The following KPNA7 variants were observed in gnomAD, a reference collection of about 807,000 sequenced individuals.
KPNA7 encodes the protein importin subunit alpha-8.
A neutral mutation model predicts 53.7 loss-of-function variants in KPNA7; 54 were observed. That is an observed-to-expected ratio of 1.01 (90% CI 0.81 to 1.26). KPNA7 has a LOEUF of 1.26. Ranked by LOEUF, KPNA7 falls within the 50% of genes most tolerant of loss-of-function variation. The pLI is 0.00. For missense variants in KPNA7, 640 were observed against 644.5 expected (o/e 0.99, Z 0.07); for synonymous variants, 276 against 259.3 (o/e 1.06, Z -0.62).
chr7:99,146,978 G>GT, the KPNA7 span, among the ~76,000 whole-genome samples: 1 of 152,094 alleles, frequency 6.6e-6, no homozygotes, highest in Non-Finnish European at 1.5e-5. Context: ...TCAAAAAATC[G>GT]TAAGTCAAAC....
At position 99,219,208 on chromosome 7, in the gene KPNA7, C is replaced by T. The variant is rs1389642103; in HGVS notation, c.-23-11719G>A. Among the ~76,000 whole-genome samples, 3 of 152,220 alleles carry T rather than the reference C, an allele frequency of 2.0e-5. No homozygotes were observed. The East Asian group carries it at 5.8e-4, about 29-fold the overall frequency. On this transcript the variant is annotated intron_variant, in intron 1 of 10. Transcript: ENST00000681060. Reference sequence around the variant, plus strand: ...CCCAGGTGAGTCTCATGTTCAGAACCTTCAGCCTCTGCAGCTGTAGCATTT... The same window carrying T: ...CCCAGGTGAGTCTCATGTTCAGAACTTTCAGCCTCTGCAGCTGTAGCATTT...
the KPNA7 span, among the ~76,000 whole-genome samples, chr7:99,166,064 T>A: frequency 6.6e-6 from 1 of 152,100 alleles, no homozygotes; most frequent in East Asian, 1.9e-4. Flanking sequence ...CTGCCTCCCC[T>A]TCACCTTCTG....
At chr7:99,185,608 A>G (rs1227978947) in intron 7 of KPNA7, among the ~76,000 whole-genome samples, 1 of 151,912 alleles carries the variant, frequency 6.6e-6, no homozygotes, top group Non-Finnish European at 1.5e-5. Flanking sequence ...TGGGATTACA[A>G]TCATGAGCCA....
At chr7:99,171,969 G>T (rs774244249), downstream of KPNA7, among the ~76,000 whole-genome samples, 5 of 152,150 alleles carry the variant, frequency 3.3e-5, no homozygotes, top group South Asian at 2.1e-4. Flanking sequence ...GATTACTGAC[G>T]TATTACATTC....
chr7:99,213,454 AAAAGAG>A (rs1301618111), intron 1 of KPNA7, among the ~76,000 whole-genome samples: 5 of 143,978 alleles, frequency 3.5e-5, no homozygotes, highest in African/African-American at 1.4e-4. Flanking sequence ...AAAAAAAAAA[AAAAGAG>A]AGAGAGACAG....
At chr7:99,189,378 C>T (rs1039656502) in intron 6 of KPNA7, among the ~76,000 whole-genome samples, 1 of 151,960 alleles carries the variant, frequency 6.6e-6, no homozygotes, top group Non-Finnish European at 1.5e-5. Flanking sequence ...CTGCCTACCT[C>T]CACCTCCCAA....
intron 3 of KPNA7, among the ~76,000 whole-genome samples, chr7:99,199,483 C>T (rs1179412771): frequency 6.6e-6 from 1 of 152,086 alleles, no homozygotes; most frequent in African/African-American, 2.4e-5. Context: ...GGTACCAAGA[C>T]AATTCAATGG....
At chr7:99,197,101 A>T (rs576931142) in intron 3 of KPNA7, among the ~76,000 whole-genome samples, 1 of 152,212 alleles carries the variant, frequency 6.6e-6, no homozygotes, top group African/African-American at 2.4e-5. Flanking sequence ...AGCTCTGTGC[A>T]AACAGGAAGT....
At chr7:99,179,129 G>A (rs1187699768) in intron 9 of KPNA7, among the ~76,000 whole-genome samples, 3 of 152,040 alleles carry the variant, frequency 2.0e-5, no homozygotes, top group African/African-American at 7.2e-5. Flanking sequence ...GGTATCATGG[G>A]GTTGAGTTTC....
At chr7:99,182,978 G>A (rs28572020) in intron 8 of KPNA7, among the ~76,000 whole-genome samples, 4,513 of 152,088 alleles carry the variant, frequency 0.03, 230 homozygotes, top group African/African-American at 0.1. Context: ...CGTTCAGGTC[G>A]GGCACGGTGG....
chr7:99,194,462 G>A (rs1455092346), intron 5 of KPNA7, among the ~76,000 whole-genome samples: 2 of 152,180 alleles, frequency 1.3e-5, no homozygotes, highest in Non-Finnish European at 2.9e-5. Flanking sequence ...CACTGCATAA[G>A]CCAAAGACTT....
intron 1 of KPNA7, among the ~76,000 whole-genome samples, chr7:99,214,442 C>CA (rs765183278): frequency 1.5e-3 from 199 of 136,396 alleles, no homozygotes; most frequent in Admixed American, 3.1e-3. Context: ...GACCCTATCT[C>CA]AAAAAAAAAC....
In KPNA7 at chr7:99,180,817, G is replaced by GTC. The variant is rs1244294919; in HGVS notation, c.1317+1064_1317+1065dup. Reference sequence around the variant, plus strand: ...TGTCTCTCTCTCTCTCCCCGTCTGTGTCTCTCTCTCTCCCCGTCTGTCTCT... The same window carrying GTC: ...TGTCTCTCTCTCTCTCCCCGTCTGTGTCTCTCTCTCTCTCCCCGTCTGTCTCT... On this transcript the variant is annotated intron_variant, in intron 9 of 10. Transcript: ENST00000327442. Among the ~76,000 whole-genome samples the GTC allele has an allele frequency of 3.0e-3, 10 of 3,306 alleles. 2 individuals carry two copies. The highest frequency in any genetic ancestry group is 6.0e-3 in the Non-Finnish European group (6 of 1,004). The allele number at this position is 3,306 out of a possible 152,430, so 2.2% of individuals were successfully genotyped here.
At chr7:99,193,977 C>T (rs994298259) in intron 5 of KPNA7, among the ~76,000 whole-genome samples, 1 of 152,198 alleles carries the variant, frequency 6.6e-6, no homozygotes, top group Non-Finnish European at 1.5e-5. Context: ...TACGCCAAGC[C>T]TCTGCAAGCT....
At chr7:99,210,632 T>C (rs190889014), upstream of KPNA7, among the ~76,000 whole-genome samples, 504 of 152,252 alleles carry the variant, frequency 3.3e-3, 3 homozygotes, top group African/African-American at 0.012. Flanking sequence ...TTGCCCAGGC[T>C]GGAGTGCAAT....
At chr7:99,170,519 C>A (rs562937395), downstream of KPNA7, among the ~76,000 whole-genome samples, 2 of 151,158 alleles carry the variant, frequency 1.3e-5, no homozygotes, top group Non-Finnish European at 3.0e-5. Flanking sequence ...TTTTCTTTTT[C>A]TTTTTAGAGA....
At chr7:99,165,842 G>C in the KPNA7 span, among the ~76,000 whole-genome samples, 1 of 152,124 alleles carries the variant, frequency 6.6e-6, no homozygotes, top group Non-Finnish European at 1.5e-5. Flanking sequence ...CTGGGTGATA[G>C]GGTTTCGATT....
At chr7:99,153,116 C>G in the KPNA7 span, among the ~76,000 whole-genome samples, 1 of 152,298 alleles carries the variant, frequency 6.6e-6, no homozygotes, top group African/African-American at 2.4e-5. Flanking sequence ...GTTGGACTAA[C>G]ACATCTTTCC....
downstream of KPNA7, among the ~76,000 whole-genome samples, chr7:99,169,736 A>G (rs941456374): frequency 1.3e-5 from 2 of 151,172 alleles, no homozygotes; most frequent in African/African-American, 4.9e-5. Flanking sequence ...TAACCAGCCC[A>G]TGAAAAAAGA....
Sources: allele counts gnomAD v4.1 joint callset (sites outside exome capture counted in the v4.1 genomes callset), GRCh38; gene constraint gnomAD v4.1.1; transcripts MANE v1.5; gene names NCBI Gene and HGNC (gene_info 2026-07-23, HGNC 2026-07-21).